TNR: variants seen among roughly 807,000 people sequenced by gnomAD.
TNR encodes tenascin R.
Under a neutral mutation model 150.4 loss-of-function variants are expected in TNR, and 45 were observed. That is an observed-to-expected ratio of 0.30 (90% CI 0.24 to 0.38). TNR has a LOEUF of 0.38. Ranked by LOEUF, TNR falls within the 10% of genes least tolerant of loss-of-function variation. TNR has a pLI of 1.00. For missense variants in TNR, 1,544 were observed against 1,759.1 expected (o/e 0.88, Z 2.19); for synonymous variants, 687 against 678.4 (o/e 1.01, Z -0.20).
chr1:175,383,182 A>G (rs1216352677), intron 8 of TNR, among the ~76,000 whole-genome samples: 1 of 152,120 alleles, frequency 6.6e-6, no homozygotes, highest in Admixed American at 6.5e-5. Flanking sequence ...CTTAGGGCCC[A>G]CTCTAATGAC....
chr1:175,607,015 C>T (rs992319907), intron 1 of TNR, among the ~76,000 whole-genome samples: 1 of 152,218 alleles, frequency 6.6e-6, no homozygotes, highest in Admixed American at 6.5e-5. Flanking sequence ...GAGCCACTTT[C>T]ACATGGGTCT....
Position 175,535,443 on chromosome 1 carries a change from ATTT to A in TNR, c.-164-7077_-164-7075del, listed in dbSNP as rs753988581. Among the ~76,000 whole-genome samples, 1,141 of 121,246 alleles carry A rather than the reference ATTT, an allele frequency of 9.4e-3. 13 individuals carry two copies. The highest frequency in any genetic ancestry group is 0.029 in the African/African-American group (955 of 33,248). The allele number at this position is 121,246 out of a possible 152,430, so 79.5% of individuals were successfully genotyped here. ...GTATTTCTTTTTTATTTATTTATTT[ATTT>A]TTTGTTGTTGTTGTTGTTGTTGTTG... is the stretch of plus-strand genomic sequence containing the variant. On this transcript the variant is annotated intron_variant, in intron 1 of 22. Coordinates refer to ENST00000367674, the MANE Select transcript of TNR (RefSeq NM_003285.3).
At chr1:175,488,807 T>C (rs1179383058) in intron 2 of TNR, among the ~76,000 whole-genome samples, 3 of 152,120 alleles carry the variant, frequency 2.0e-5, no homozygotes, top group African/African-American at 7.2e-5. Flanking sequence ...GAAGGGAGTA[T>C]TTTTGCCAGG....
chr1:175,637,465 C>G (rs1374159843), intron 1 of TNR, among the ~76,000 whole-genome samples: 1 of 152,210 alleles, frequency 6.6e-6, no homozygotes, highest in Non-Finnish European at 1.5e-5. Context: ...TGCCCCTCTT[C>G]TTTGGACTCA....
intron 2 of TNR, among the ~76,000 whole-genome samples, chr1:175,471,971 G>A (rs532239739): frequency 1.5e-4 from 22 of 144,790 alleles, no homozygotes; most frequent in Admixed American, 4.1e-4. Flanking sequence ...AACTTTTTTT[G>A]TTAAAAACCA....
intron 2 of TNR, among the ~76,000 whole-genome samples, chr1:175,500,520 A>C (rs1023616482): frequency 6.6e-6 from 1 of 152,168 alleles, no homozygotes; most frequent in Non-Finnish European, 1.5e-5. Context: ...GGCAGGGAAA[A>C]CCAAGGCTGG....
intron 21 of TNR, among the ~76,000 whole-genome samples, chr1:175,327,917 G>C (rs1255556206): frequency 6.6e-6 from 1 of 152,172 alleles, no homozygotes; most frequent in Non-Finnish European, 1.5e-5. Flanking sequence ...AGACCAGCCT[G>C]GCCAGCATGG....
chr1:175,436,269 G>A lies in TNR; in HGVS notation c.-63-29492C>T, dbSNP rs1282013840. 2.0e-5 allele frequency among the ~76,000 whole-genome samples: 3 copies of A among 152,116 alleles called. No homozygotes were observed. The East Asian group carries it at 5.8e-4, about 29-fold the overall frequency. ...GTTCCATTCTCCCCGTCACTTTCAG[G>A]TACACCAATCAGACATAGATTTGGT... is the stretch of plus-strand genomic sequence containing the variant. On this transcript the variant is annotated intron_variant, in intron 2 of 22. Coordinates refer to ENST00000367674, the MANE Select transcript of TNR (RefSeq NM_003285.3).
chr1:175,718,740 C>T (rs1363160851), intron 1 of TNR, among the ~76,000 whole-genome samples: 2 of 152,190 alleles, frequency 1.3e-5, no homozygotes, highest in African/African-American at 2.4e-5. Flanking sequence ...TGTCACATGG[C>T]CATATCATGT....
chr1:175,562,876 T>C (rs1319438746), intron 1 of TNR, among the ~76,000 whole-genome samples: 1 of 152,234 alleles, frequency 6.6e-6, no homozygotes, highest in Non-Finnish European at 1.5e-5. Flanking sequence ...AGGTATTGGC[T>C]GTGTCTACTA....
At chr1:175,590,628 G>T (rs1268845515) in intron 1 of TNR, among the ~76,000 whole-genome samples, 1 of 152,186 alleles carries the variant, frequency 6.6e-6, no homozygotes, top group Non-Finnish European at 1.5e-5. Context: ...ACAAAGGAGG[G>T]GGGGATCCAC....
chr1:175,585,790 T>C (rs1203647248), intron 1 of TNR, among the ~76,000 whole-genome samples: 3 of 152,100 alleles, frequency 2.0e-5, no homozygotes, highest in African/African-American at 7.2e-5. Flanking sequence ...TTTCTCCCTC[T>C]CTCCCTTCTT....
chr1:175,574,661 C>T (rs1662030270), intron 1 of TNR, among the ~76,000 whole-genome samples: 1 of 152,150 alleles, frequency 6.6e-6, no homozygotes, highest in African/African-American at 2.4e-5. Context: ...CAAAGATCAG[C>T]CTCAACAGAT....
intron 2 of TNR, among the ~76,000 whole-genome samples, chr1:175,421,319 CT>C (rs1374180929): frequency 6.6e-6 from 1 of 152,192 alleles, no homozygotes; most frequent in Non-Finnish European, 1.5e-5. Context: ...CCTTGGAGTA[CT>C]TAATAGGAAA....
chr1:175,547,593 G>C (rs760655708), intron 1 of TNR, among the ~76,000 whole-genome samples: 4 of 26,438 alleles, frequency 1.5e-4, no homozygotes, highest in African/African-American at 2.1e-4. Flanking sequence ...AAGAAAGAAA[G>C]AAAGAAAGAA....
intron 18 of TNR, among the ~76,000 whole-genome samples, chr1:175,347,989 T>C (rs1650877208): frequency 6.6e-6 from 1 of 152,092 alleles, no homozygotes; most frequent in Non-Finnish European, 1.5e-5. Flanking sequence ...GTAGATGACA[T>C]AAAACATTTA....
chr1:175,402,451 G>T (rs970920879), intron 4 of TNR, among the ~76,000 whole-genome samples: 2 of 151,534 alleles, frequency 1.3e-5, no homozygotes, highest in Non-Finnish European at 2.9e-5. Flanking sequence ...TATACATAGG[G>T]TTGGTTCTAA....
At chr1:175,565,567 A>T (rs1294231720) in intron 1 of TNR, among the ~76,000 whole-genome samples, 2 of 152,198 alleles carry the variant, frequency 1.3e-5, no homozygotes, top group Non-Finnish European at 2.9e-5. Context: ...GTGCAGGGAA[A>T]TCGGAACACT....
chr1:175,465,421 A>C (rs967230624), intron 2 of TNR, among the ~76,000 whole-genome samples: 1 of 152,212 alleles, frequency 6.6e-6, no homozygotes, highest in Non-Finnish European at 1.5e-5. Context: ...ACAAATGCTT[A>C]AGTAGATTTT....
Sources: allele counts gnomAD v4.1 joint callset (sites outside exome capture counted in the v4.1 genomes callset), GRCh38; gene constraint gnomAD v4.1.1; transcripts MANE v1.5; gene names NCBI Gene and HGNC (gene_info 2026-07-23, HGNC 2026-07-21).